The following PUM1 variants were observed in gnomAD, a reference collection of about 807,000 sequenced individuals.
The protein encoded by PUM1 is pumilio homolog 1.
Under a neutral mutation model 131.8 loss-of-function variants are expected in PUM1, and 13 were observed. The observed-to-expected ratio is 0.10, with a 90% confidence interval of 0.06 to 0.16. The LOEUF is 0.16. Among genes scored for constraint, PUM1 ranks in the 10% least tolerant of loss-of-function variants. The pLI is 1.00. For missense variants in PUM1, 961 were observed against 1,512.4 expected, an observed-to-expected ratio of 0.64 and a Z score of 6.05; for synonymous variants, 509 against 556.5, an observed-to-expected ratio of 0.91 and a Z score of 1.20.
chr1:31,019,087 T>TTA (rs1396653905), intron 3 of PUM1, among the ~76,000 whole-genome samples: 5 of 152,160 alleles, frequency 3.3e-5, no homozygotes, highest in Non-Finnish European at 5.9e-5. Flanking sequence ...GTGTGGTGGC[T>TTA]CATGCCTGTA....
chr1:31,020,085 C>T (rs1642966374), intron 3 of PUM1, among the ~76,000 whole-genome samples: 1 of 152,072 alleles, frequency 6.6e-6, no homozygotes, highest in Non-Finnish European at 1.5e-5. Flanking sequence ...TTTTTGGAGT[C>T]CTCAGGGTCT....
chr1:30,976,832 TAAAAA>T lies in PUM1; in HGVS notation c.1355-2035_1355-2031del, dbSNP rs556880178. 5.0e-5 allele frequency among the ~76,000 whole-genome samples: 7 copies of T among 141,174 alleles called. No individual in the cohort carries two copies. The South Asian group carries it at 1.6e-3, about 32-fold the overall frequency. 92.6% of individuals were successfully genotyped at this position (141,174 alleles called of 152,430 possible). ...GGCCTAAAAGCCATGTATTCAAGTT[TAAAAA>T]AAAAAAAAAGAGTGATAGAGCCTCA... is the stretch of plus-strand genomic sequence containing the variant. On this transcript the variant is annotated intron_variant, in intron 9 of 21. Transcript: ENST00000426105.
chr1:31,020,382 T>A (rs1642979059), intron 3 of PUM1, among the ~76,000 whole-genome samples: 1 of 152,236 alleles, frequency 6.6e-6, no homozygotes, highest in Admixed American at 6.5e-5. Context: ...GTCTTTTTGG[T>A]ATAACAATTT....
chr1:30,976,499 C>A (rs748836931), intron 9 of PUM1, among the ~76,000 whole-genome samples: 4 of 152,212 alleles, frequency 2.6e-5, no homozygotes, highest in Admixed American at 2.6e-4. Context: ...TGGAGAAACA[C>A]ATAATTCATT....
intron 7 of PUM1, among the ~76,000 whole-genome samples, chr1:30,989,369 C>T (rs1353505486): frequency 6.6e-6 from 1 of 151,904 alleles, no homozygotes; most frequent in Non-Finnish European, 1.5e-5. Context: ...GTCAGGAGTT[C>T]GAAACCAGCC....
intron 3 of PUM1, among the ~76,000 whole-genome samples, chr1:31,017,257 A>T (rs548167285): frequency 6.6e-6 from 1 of 152,362 alleles, no homozygotes; most frequent in South Asian, 2.1e-4. Flanking sequence ...ACGGACACGT[A>T]ATTTTAAGAT....
At chr1:31,061,785 C>A (rs1227860704) in intron 1 of PUM1, 1 of 151,320 alleles carries the variant, frequency 6.6e-6, no homozygotes, top group Admixed American at 6.6e-5. Flanking sequence ...ATAGCAAGAC[C>A]TATCTCTACT....
rs190863657 is a variant in PUM1 at position 30,992,621 on chromosome 1, C to A, written c.927G>T (p.Val309=). 1 of 1,614,114 alleles carries A rather than the reference C, an allele frequency of 6.2e-7. No homozygotes were observed. Among genetic ancestry groups the A allele is most frequent in the Non-Finnish European group, 8.5e-7 (1 of 1,179,986 alleles). The change falls in exon 7 of 22, where the codon GTG becomes GTT. Residue 309 remains valine (V), a synonymous_variant. Transcript: ENST00000426105. ...PGNCQNSANE[V]DLLGPNQNGS... ...CATTCTGGTTTGGACCCAGAAGATC[C>A]ACTTCATTAGCAGAGTTCTGGCAAT...
At chr1:31,009,552 G>C (rs1486270420) in intron 3 of PUM1, among the ~76,000 whole-genome samples, 1 of 151,944 alleles carries the variant, frequency 6.6e-6, no homozygotes, top group East Asian at 1.9e-4. Context: ...AATCACCTGA[G>C]GTCAGGAGTT....
intron 2 of PUM1, among the ~76,000 whole-genome samples, chr1:31,042,292 C>T (rs940213061): frequency 1.3e-5 from 2 of 149,994 alleles, no homozygotes; most frequent in African/African-American, 2.5e-5. Context: ...GGCAACAGAG[C>T]GAGACTCTGT....
intron 5 of PUM1, among the ~76,000 whole-genome samples, chr1:30,999,615 A>ACC (rs1642127938): frequency 2.7e-5 from 1 of 37,574 alleles, no homozygotes; most frequent in African/African-American, 1.3e-4. Flanking sequence ...TCAAAAAAAA[A>ACC]AAAAAAAAAA....
At chr1:30,990,634 C>T (rs904984580) in intron 7 of PUM1, among the ~76,000 whole-genome samples, 4 of 151,552 alleles carry the variant, frequency 2.6e-5, no homozygotes, top group Non-Finnish European at 4.4e-5. Context: ...GAGGCTTACG[C>T]CAGTGGTTCC....
Position 30,953,765 on chromosome 1 carries a change from C to T in PUM1, c.2540G>A (p.Arg847Gln), listed in dbSNP as rs772303807. 3.7e-6 allele frequency: 6 copies of T among 1,614,066 alleles called. No homozygotes were observed. Among genetic ancestry groups the T allele is most frequent in the African/African-American group, 1.3e-5 (1 of 74,920 alleles). The change falls in exon 15 of 22, where the codon CGG (arginine) becomes CAG (glutamine). Residue 847 changes from arginine (R) to glutamine (Q), a missense_variant. By Grantham distance (43) the Arg-to-Gln change is conservative. This residue lies in a region of PUM1 where 117 missense variants were observed against 200.7 expected (regional missense o/e 0.58). Coordinates refer to ENST00000426105, the MANE Select transcript of PUM1 (RefSeq NM_001020658.2). ...RNNRYPNLQLREIAGHIMEFS... is the reference protein window; with the variant it reads ...RNNRYPNLQLQEIAGHIMEFS... ...TTCCATTATATGTCCAGCAATCTCC[C>T]GCAGTTGTAAATTGGGGTACCGGTT... is the stretch of plus-strand genomic sequence containing the variant.
At chr1:31,019,740 A>G (rs765128243) in intron 3 of PUM1, among the ~76,000 whole-genome samples, 1 of 152,242 alleles carries the variant, frequency 6.6e-6, no homozygotes, top group Non-Finnish European at 1.5e-5. Context: ...TACTGTCTTC[A>G]TAAAACCTGA....
intron 2 of PUM1, among the ~76,000 whole-genome samples, chr1:31,057,820 A>AT (rs993450848): frequency 6.6e-6 from 1 of 151,256 alleles, no homozygotes; most frequent in Non-Finnish European, 1.5e-5. Flanking sequence ...TTTGTACCTG[A>AT]TTTTTTCTGA....
chr1:30,981,266 TGGC>T (rs781500626), intron 8 of PUM1, 43 bp downstream of exon 8: 2 of 1,238,748 alleles, frequency 1.6e-6, no homozygotes, highest in African/African-American at 1.5e-5. Context: ...TATCCTAAAA[TGGC>T]GGCCACACCT....
chr1:31,027,166 G>T (rs1643254361), intron 3 of PUM1, among the ~76,000 whole-genome samples: 1 of 152,022 alleles, frequency 6.6e-6, no homozygotes, highest in Admixed American at 6.6e-5. Context: ...AAAACAGGCT[G>T]GACACAGTGG....
At chr1:30,994,440 T>G (rs1641914125) in intron 6 of PUM1, among the ~76,000 whole-genome samples, 1 of 152,232 alleles carries the variant, frequency 6.6e-6, no homozygotes, top group African/African-American at 2.4e-5. Flanking sequence ...ATTTTAATAC[T>G]GTGTAACTTA....
chr1:30,997,890 T>A (rs1426023096), intron 5 of PUM1, among the ~76,000 whole-genome samples: 1 of 149,694 alleles, frequency 6.7e-6, no homozygotes, highest in Non-Finnish European at 1.5e-5. Context: ...TCTTGACTGC[T>A]AAGTTACACT....
Sources: gnomAD v4.1 joint callset for allele counts (sites outside exome capture counted in the v4.1 genomes callset) on GRCh38, gnomAD v4.1.1 for gene constraint, gnomAD v4.1.1 regional missense constraint, MANE v1.5 for transcripts, NCBI Gene and HGNC (gene_info 2026-07-23, HGNC 2026-07-21) for gene names.